Variants in SEMA3E observed in about 807,000 individuals in gnomAD.
SEMA3E encodes semaphorin 3E, also known as semaphorin-3E.
In SEMA3E, 49 loss-of-function variants were observed where a neutral mutation model predicts 93.6. That is an observed-to-expected ratio of 0.52 (90% CI 0.42 to 0.66). The LOEUF (loss-of-function observed/expected upper bound fraction) is 0.66, where lower values mean the gene tolerates loss of function less well. Among genes scored for constraint, SEMA3E ranks in the 30% least tolerant of loss-of-function variants. The pLI, the probability that SEMA3E is intolerant of heterozygous loss-of-function variation, is 0.00. For missense variants in SEMA3E, 906 were observed against 964.8 expected (o/e 0.94, Z 0.81); for synonymous variants, 363 against 330.7 (o/e 1.10, Z -1.06).
chr7:83,648,577 A>G lies in SEMA3E; in HGVS notation c.-35T>C. On this transcript the variant is annotated 5_prime_UTR_variant, in exon 1 of 17. Transcript: ENST00000643230. The stretch of plus-strand genomic sequence containing the variant: ...TTCACCGTCCAAGCCCTCGCTCCTC[A>G]CTTTAAGGAGGGTCTGAGTTTTACT... 2 of 1,509,244 alleles carry G rather than the reference A, an allele frequency of 1.3e-6. No individual in the cohort carries two copies. The highest frequency in any genetic ancestry group is 2.3e-5 in the East Asian group (1 of 44,224). 93.5% of individuals were successfully genotyped at this position (1,509,244 alleles called of 1,614,324 possible).
intron 6 of SEMA3E, among the ~76,000 whole-genome samples, chr7:83,408,150 G>C (rs1197658714): frequency 2.0e-5 from 3 of 151,936 alleles, no homozygotes; most frequent in Non-Finnish European, 4.4e-5. Context: ...TTGCTCGGAA[G>C]GTATACTGAT....
At chr7:83,433,844 T>A (rs535220232) in intron 4 of SEMA3E, among the ~76,000 whole-genome samples, 7 of 152,230 alleles carry the variant, frequency 4.6e-5, no homozygotes, top group African/African-American at 1.2e-4. Context: ...CTATAGCTTA[T>A]CAAAGTTAGA....
chr7:83,646,183 ATTAC>A, intron 1 of SEMA3E, among the ~76,000 whole-genome samples: 1 of 152,218 alleles, frequency 6.6e-6, no homozygotes, highest in Non-Finnish European at 1.5e-5. Flanking sequence ...TTAAATATTA[ATTAC>A]TTAATTCACT....
chr7:83,613,054 T>C (rs1330244698), intron 1 of SEMA3E, among the ~76,000 whole-genome samples: 1 of 152,072 alleles, frequency 6.6e-6, no homozygotes, highest in East Asian at 1.9e-4. Context: ...GTATGTGATA[T>C]ATGAACAAGG....
At chr7:83,640,163 T>C (rs1793976361) in intron 1 of SEMA3E, among the ~76,000 whole-genome samples, 1 of 152,146 alleles carries the variant, frequency 6.6e-6, no homozygotes, top group Non-Finnish European at 1.5e-5. Context: ...TTTTCTTTGC[T>C]GCTGTTCTTT....
intron 1 of SEMA3E, among the ~76,000 whole-genome samples, chr7:83,542,357 G>A (rs945666724): frequency 2.6e-5 from 4 of 151,774 alleles, no homozygotes; most frequent in Non-Finnish European, 4.4e-5. Context: ...TAATAATAAG[G>A]TCAAACTCTT....
intron 5 of SEMA3E, among the ~76,000 whole-genome samples, chr7:83,417,017 G>GGAGA (rs368006308): frequency 1.7e-4 from 16 of 96,158 alleles, no homozygotes; most frequent in African/African-American, 4.5e-4. Flanking sequence ...ACACACACAG[G>GGAGA]GAGAGAGAGA....
chr7:83,508,541 C>T (rs1269125457), intron 1 of SEMA3E, among the ~76,000 whole-genome samples: 2 of 152,076 alleles, frequency 1.3e-5, no homozygotes, highest in Admixed American at 6.5e-5. Context: ...GGATTACAGG[C>T]GTGAGCCACT....
intron 16 of SEMA3E, among the ~76,000 whole-genome samples, chr7:83,369,703 T>C (rs1794725878): frequency 6.6e-6 from 1 of 152,116 alleles, no homozygotes; most frequent in Non-Finnish European, 1.5e-5. Context: ...ATAGAAACAA[T>C]CTGTTTTACT....
intron 1 of SEMA3E, among the ~76,000 whole-genome samples, chr7:83,539,433 C>A (rs1791472433): frequency 6.6e-6 from 1 of 152,124 alleles, no homozygotes; most frequent in Admixed American, 6.6e-5. Flanking sequence ...AGACTTTCAG[C>A]AAATCTTCCT....
intron 1 of SEMA3E, among the ~76,000 whole-genome samples, chr7:83,583,595 CTA>C (rs1340671192): frequency 6.6e-6 from 1 of 152,076 alleles, no homozygotes; most frequent in Non-Finnish European, 1.5e-5. Flanking sequence ...ATCTCAGGAG[CTA>C]AATATCTACT....
chr7:83,424,457 T>A (rs527589760), intron 4 of SEMA3E, among the ~76,000 whole-genome samples: 3 of 152,280 alleles, frequency 2.0e-5, no homozygotes, highest in South Asian at 4.2e-4. Flanking sequence ...ATATGAATAC[T>A]AAAACTACAT....
chr7:83,601,162 G>T (rs1765490713), intron 1 of SEMA3E, among the ~76,000 whole-genome samples: 1 of 152,182 alleles, frequency 6.6e-6, no homozygotes, highest in African/African-American at 2.4e-5. Flanking sequence ...ATTATCCCTA[G>T]ATCTTCTAGA....
At chr7:83,636,929 A>T (rs912960965) in intron 1 of SEMA3E, among the ~76,000 whole-genome samples, 1 of 152,134 alleles carries the variant, frequency 6.6e-6, no homozygotes, top group South Asian at 2.1e-4. Context: ...CTTGATATAT[A>T]AAAAAAGCAC....
chr7:83,426,787 T>C (rs370401149), intron 4 of SEMA3E, among the ~76,000 whole-genome samples: 8 of 152,300 alleles, frequency 5.3e-5, no homozygotes, highest in African/African-American at 7.2e-5. Context: ...ACTGCCTAGA[T>C]AGTAAAATCA....
At chr7:83,479,215 C>A (rs1324186163) in intron 2 of SEMA3E, among the ~76,000 whole-genome samples, 2 of 152,178 alleles carry the variant, frequency 1.3e-5, no homozygotes, top group African/African-American at 4.8e-5. Context: ...GTCCTTCCTA[C>A]CCCTGCTTTC....
At chr7:83,399,901 G>T in intron 11 of SEMA3E, 127 bp downstream of exon 11, 1 of 786,792 alleles carries the variant, frequency 1.3e-6, no homozygotes, top group Non-Finnish European at 2.2e-6. Context: ...TTCTCATTTT[G>T]GATTAGCAGT....
chr7:83,410,653 G>A (rs748078721), intron 5 of SEMA3E, among the ~76,000 whole-genome samples: 1 of 151,998 alleles, frequency 6.6e-6, no homozygotes, highest in Non-Finnish European at 1.5e-5. Context: ...CAGTGGTTAG[G>A]AATATGACCT....
chr7:83,446,953 C>T (rs984569838), intron 4 of SEMA3E, among the ~76,000 whole-genome samples: 18 of 152,218 alleles, frequency 1.2e-4, no homozygotes, highest in African/African-American at 4.3e-4. Context: ...AGAATAATTT[C>T]ATTCTTACAA....
Sources: allele counts gnomAD v4.1 joint callset (sites outside exome capture counted in the v4.1 genomes callset), GRCh38; gene constraint gnomAD v4.1.1; transcripts MANE v1.5; gene names NCBI Gene and HGNC (gene_info 2026-07-23, HGNC 2026-07-21).